SFMBT1: variants seen among roughly 807,000 people sequenced by gnomAD.
SFMBT1 encodes the protein Scm like with four mbt domains 1, also known as scm-like with four MBT domains protein 1.
In SFMBT1, 32 loss-of-function variants were observed where a neutral mutation model predicts 108.7. That is an observed-to-expected ratio of 0.29 (90% CI 0.22 to 0.40). SFMBT1 has a LOEUF of 0.40. Among genes scored for constraint, SFMBT1 ranks in the 10% least tolerant of loss-of-function variants. SFMBT1 has a pLI of 1.00. For synonymous variants in SFMBT1, 348 were observed against 369.5 expected, an observed-to-expected ratio of 0.94 and a Z score of 0.67; for missense variants, 816 against 1,059.6, an observed-to-expected ratio of 0.77 and a Z score of 3.19.
At chr3:52,966,198 T>C (rs553846918) in intron 2 of SFMBT1, among the ~76,000 whole-genome samples, 2 of 145,664 alleles carry the variant, frequency 1.4e-5, no homozygotes, top group South Asian at 4.3e-4. Context: ...GCGCCTGTAG[T>C]CCCAGCTACT....
intron 14 of SFMBT1, among the ~76,000 whole-genome samples, chr3:52,914,605 G>A (rs1245900252): frequency 6.6e-6 from 1 of 152,070 alleles, no homozygotes. Flanking sequence ...TCAGCCACAT[G>A]TGGTGGCATA....
rs190512442 is a variant in SFMBT1, at chr3:52,933,428, T to C, written c.454-1120A>G. 6.5e-3 allele frequency among the ~76,000 whole-genome samples: 995 copies of C among 152,308 alleles called. 95 individuals are homozygous for C. The South Asian group carries it at 0.18, about 28-fold the overall frequency. Reference sequence around the variant, plus strand: ...TACAATAAAGAAAAGAAATTCATTATCAAGTTATCACTTAATCATTTCTAA... The same window carrying C: ...TACAATAAAGAAAAGAAATTCATTACCAAGTTATCACTTAATCATTTCTAA... On this transcript the variant is annotated intron_variant, in intron 5 of 20. Transcript: ENST00000394752.
intron 1 of SFMBT1, among the ~76,000 whole-genome samples, chr3:53,008,771 A>T (rs1559547677): frequency 6.6e-6 from 1 of 150,780 alleles, no homozygotes; most frequent in Non-Finnish European, 1.5e-5. Flanking sequence ...AGTAGCTGGG[A>T]CTACAAGGCA....
intron 2 of SFMBT1, among the ~76,000 whole-genome samples, chr3:52,965,851 A>C (rs1017584235): frequency 1.3e-5 from 2 of 150,502 alleles, no homozygotes; most frequent in Non-Finnish European, 3.0e-5. Flanking sequence ...CCAAAAATAC[A>C]AAAAATTAGC....
chr3:52,926,219 T>C, intron 9 of SFMBT1, 106 bp from the exon 10 acceptor site: 1 of 909,550 alleles, frequency 1.1e-6, no homozygotes, highest in Non-Finnish European at 1.7e-6. Context: ...GATGCTAGTC[T>C]GACAACTTTG....
intron 2 of SFMBT1, among the ~76,000 whole-genome samples, chr3:52,954,912 A>C (rs1408914219): frequency 6.6e-6 from 1 of 151,916 alleles, no homozygotes; most frequent in Non-Finnish European, 1.5e-5. Context: ...TCCATACCTT[A>C]TATCCAATCC....
chr3:52,938,696 T>C (rs1406190835), intron 4 of SFMBT1, among the ~76,000 whole-genome samples: 1 of 152,142 alleles, frequency 6.6e-6, no homozygotes, highest in Non-Finnish European at 1.5e-5. Flanking sequence ...TTCCCCATTC[T>C]TGTCCCATAT....
intron 1 of SFMBT1, among the ~76,000 whole-genome samples, chr3:53,024,376 C>T (rs1013603186): frequency 6.6e-6 from 1 of 152,150 alleles, no homozygotes; most frequent in African/African-American, 2.4e-5. Context: ...GAAGATATGT[C>T]CAAGAGTCCT....
At chr3:53,034,086 A>AAT (rs1699783676) in intron 1 of SFMBT1, among the ~76,000 whole-genome samples, 1 of 151,418 alleles carries the variant, frequency 6.6e-6, no homozygotes, top group South Asian at 2.1e-4. Context: ...AAAAAAAAAA[A>AAT]AAAAAAAAAA....
intron 13 of SFMBT1, 145 bp from the exon 14 acceptor site, chr3:52,916,359 T>A: frequency 3.2e-5 from 7 of 220,876 alleles, no homozygotes; most frequent in Non-Finnish European, 5.1e-5. Flanking sequence ...GATGATACTT[T>A]TTTTTTTTTT....
chr3:52,921,048 AAAG>A (rs1322421245), intron 11 of SFMBT1, among the ~76,000 whole-genome samples: 1 of 152,226 alleles, frequency 6.6e-6, no homozygotes, highest in Non-Finnish European at 1.5e-5. Context: ...ATAAGCCAGA[AAAG>A]AAGAACAGTG....
intron 12 of SFMBT1, among the ~76,000 whole-genome samples, chr3:52,919,725 C>G (rs1702462360): frequency 6.6e-6 from 1 of 152,202 alleles, no homozygotes; most frequent in Non-Finnish European, 1.5e-5. Context: ...CTGACAGAAG[C>G]CAGTTGTCAT....
intron 12 of SFMBT1, 44 bp from the exon 13 acceptor site, chr3:52,918,570 GAC>G: frequency 2.2e-6 from 3 of 1,336,068 alleles, no homozygotes; most frequent in African/African-American, 1.5e-5. Context: ...AAAATAAAAA[GAC>G]AAAGGAAAAT....
intron 16 of SFMBT1, 45 bp from the exon 17 acceptor site, chr3:52,911,223 T>G: frequency 6.5e-7 from 1 of 1,530,604 alleles, no homozygotes; most frequent in Non-Finnish European, 8.8e-7. Flanking sequence ...GGGCTAATGA[T>G]TACCCAGAGA....
chr3:52,960,976 A>C (rs1174446004), intron 2 of SFMBT1, among the ~76,000 whole-genome samples: 1 of 152,166 alleles, frequency 6.6e-6, no homozygotes, highest in Non-Finnish European at 1.5e-5. Context: ...TGTCTACAAA[A>C]ATATTTTTAA....
chr3:52,999,233 C>T (rs781653274), intron 1 of SFMBT1, among the ~76,000 whole-genome samples: 6 of 150,718 alleles, frequency 4.0e-5, no homozygotes, highest in Admixed American at 1.3e-4. Flanking sequence ...AAGGCGTTCC[C>T]GGGGTGAAGG....
chr3:53,045,734 G>T (rs1411105793), intron 1 of SFMBT1, 82 bp downstream of exon 1: 1 of 147,768 alleles, frequency 6.8e-6, no homozygotes, highest in African/African-American at 2.5e-5. Flanking sequence ...AGGGGACGCC[G>T]TACGGTCCCC....
At chr3:52,981,810 A>G (rs1348133436) in intron 1 of SFMBT1, among the ~76,000 whole-genome samples, 1 of 152,146 alleles carries the variant, frequency 6.6e-6, no homozygotes, top group Non-Finnish European at 1.5e-5. Flanking sequence ...GACTATTTTG[A>G]GCAAGTGCAG....
At chr3:52,966,603 TGACAGA>T (rs1350550750) in intron 2 of SFMBT1, among the ~76,000 whole-genome samples, 1 of 115,294 alleles carries the variant, frequency 8.7e-6, no homozygotes, top group African/African-American at 3.5e-5. Context: ...CCAGCCTGGG[TGACAGA>T]GCGAGACTCA....
Sources: gnomAD v4.1 joint callset for allele counts (sites outside exome capture counted in the v4.1 genomes callset) on GRCh38, gnomAD v4.1.1 for gene constraint, MANE v1.5 for transcripts, NCBI Gene and HGNC (gene_info 2026-07-23, HGNC 2026-07-21) for gene names.